The following EVC2 variants were observed in gnomAD, a reference collection of about 807,000 sequenced individuals.
EVC2 encodes the protein limbin.
EVC2 carries 148 observed loss-of-function variants against 149.3 expected under a neutral mutation model. The observed-to-expected ratio is 0.99, with a 90% CI of 0.87 to 1.14. EVC2 has a LOEUF of 1.14. Ranked by LOEUF, EVC2 falls within the 50% of genes most tolerant of loss-of-function variation. The pLI is 0.00. For synonymous variants in EVC2, 776 were observed against 649.9 expected (o/e 1.19, Z -2.95); for missense variants, 1,854 against 1,627.3 (o/e 1.14, Z -2.40).
intron 9 of EVC2, among the ~76,000 whole-genome samples, chr4:5,642,559 A>G (rs527243064): frequency 1.3e-5 from 2 of 152,312 alleles, no homozygotes; most frequent in South Asian, 2.1e-4. Context: ...CCTGAAGTGA[A>G]TCACTTTTTA....
chr4:5,530,765 T>C, the EVC2 span, among the ~76,000 whole-genome samples: 1 of 152,362 alleles, frequency 6.6e-6, no homozygotes, highest in Admixed American at 6.5e-5. Flanking sequence ...AGGTAAACTA[T>C]TGTTCCTCAA....
At position 5,691,245 on chromosome 4, in the gene EVC2, C is replaced by T. The variant is rs538280671; in HGVS notation, c.519+20G>A. ...TCCAATTATTTTCTCTTCAAATATA[C>T]ACCACCAGTGGAAACTTACCAGTGC... On this transcript the variant is annotated intron_variant, in intron 4 of 21. Transcript: ENST00000344408. The T allele has an allele frequency of 1.1e-5, 18 of 1,605,638 alleles. No individual in the cohort carries two copies. The African/African-American group carries it at 1.2e-4, about 11-fold the overall frequency.
Position 5,584,353 on chromosome 4 carries a change from G to A in EVC2, c.3057+270C>T, listed in dbSNP as rs4689265. On this transcript the variant is annotated intron_variant, in intron 17 of 21. Coordinates refer to ENST00000344408, the MANE Select transcript of EVC2 (RefSeq NM_147127.5). ...TGTTGTCCTCCCTAGCACAATGAAAGAAACAATACTGCCAATGAACCCATG... is the reference window on the plus strand; with the variant it reads ...TGTTGTCCTCCCTAGCACAATGAAAAAAACAATACTGCCAATGAACCCATG... Among the ~76,000 whole-genome samples, 548 of 152,270 alleles carry A rather than the reference G, an allele frequency of 3.6e-3. 5 individuals are homozygous for A. The highest frequency in any genetic ancestry group is 0.012 in the Admixed American group (191 of 15,300).
chr4:5,568,563 T>C lies in EVC2; in HGVS notation c.3438A>G (p.Val1146=). Residue 1146 remains valine, a synonymous_variant, in exon 20 of 22, where the codon GTA becomes GTG. Coordinates refer to ENST00000344408, the MANE Select transcript of EVC2 (RefSeq NM_147127.5). ...GCTGAGGCTGTGAGGCTGTGGGCAGTACCACACTCAGGAGCCGGCGAAGCG... is the reference window on the plus strand; with the variant it reads ...GCTGAGGCTGTGAGGCTGTGGGCAGCACCACACTCAGGAGCCGGCGAAGCG... ...GATLRRLLSV[V]LPTASQPQLL... is the part of the protein sequence containing the mutation. The C allele has an allele frequency of 6.2e-7, 1 of 1,606,024 alleles. No individual in the cohort carries two copies. The highest frequency in any genetic ancestry group is 8.5e-7 in the Non-Finnish European group (1 of 1,179,264).
At chr4:5,684,370 G>A (rs1348554207) in intron 6 of EVC2, among the ~76,000 whole-genome samples, 1 of 152,214 alleles carries the variant, frequency 6.6e-6, no homozygotes, top group African/African-American at 2.4e-5. Context: ...CAGGGTGGAA[G>A]GAGGCCTCAG....
At chr4:5,601,850 G>A (rs1005311079) in intron 16 of EVC2, among the ~76,000 whole-genome samples, 1 of 152,198 alleles carries the variant, frequency 6.6e-6, no homozygotes, top group Non-Finnish European at 1.5e-5. Context: ...AGCTGTGCAT[G>A]AGGCACAGAG....
intron 14 of EVC2, among the ~76,000 whole-genome samples, chr4:5,619,464 C>T (rs528331010): frequency 4.4e-4 from 67 of 152,280 alleles, no homozygotes; most frequent in African/African-American, 1.6e-3. Flanking sequence ...GGATTGCCAG[C>T]AACACCAGCA....
At chr4:5,691,510 T>A (rs992607906) in intron 3 of EVC2, among the ~76,000 whole-genome samples, 177 bp from the exon 4 acceptor site, 1 of 152,230 alleles carries the variant, frequency 6.6e-6, no homozygotes, top group African/African-American at 2.4e-5. Flanking sequence ...AAATTAAAAC[T>A]TATGGAAAGA....
At chr4:5,629,576 A>C (rs1387748676) in intron 11 of EVC2, among the ~76,000 whole-genome samples, 1 of 152,234 alleles carries the variant, frequency 6.6e-6, no homozygotes, top group Non-Finnish European at 1.5e-5. Context: ...ATGGATAACC[A>C]AAAGTGTCAA....
Position 5,576,538 on chromosome 4 carries a change from G to C in EVC2, c.3058-84C>G. 1.3e-6 allele frequency: 2 copies of C among 1,534,494 alleles called. No individual in the cohort carries two copies. Among genetic ancestry groups the C allele is most frequent in the East Asian group, 4.9e-5 (2 of 40,910 alleles). On this transcript the variant is annotated intron_variant, in intron 17 of 21. Transcript: ENST00000344408. The surrounding 1 kb of genome is among the most constrained non-coding windows in gnomAD (Gnocchi z 4.5). ...CAAAATCTGACCTCCTGGGTGTCTTGCTACAAGTCTGGCATGACTCTGTCT... is the reference window on the plus strand; with the variant it reads ...CAAAATCTGACCTCCTGGGTGTCTTCCTACAAGTCTGGCATGACTCTGTCT...
intron 15 of EVC2, among the ~76,000 whole-genome samples, chr4:5,617,000 G>T (rs1172810840): frequency 1.3e-5 from 2 of 151,850 alleles, no homozygotes; most frequent in African/African-American, 2.4e-5. Flanking sequence ...TTCCCCCATT[G>T]TTCAAAAATA....
At chr4:5,685,802 T>A (rs1720664992) in intron 5 of EVC2, among the ~76,000 whole-genome samples, 1 of 152,128 alleles carries the variant, frequency 6.6e-6, no homozygotes, top group East Asian at 1.9e-4. Flanking sequence ...GCGCACCTCA[T>A]CCCATAGGTA....
At chr4:5,610,294 T>C (rs796697872) in intron 16 of EVC2, among the ~76,000 whole-genome samples, 10 of 152,282 alleles carry the variant, frequency 6.6e-5, no homozygotes, top group African/African-American at 2.2e-4. Flanking sequence ...TTAATATATA[T>C]ACATACAGTG....
chr4:5,694,512 A>G lies in EVC2; in HGVS notation c.284-11T>C, dbSNP rs1421407272. 6 of 1,614,102 alleles carry G rather than the reference A, an allele frequency of 3.7e-6. No individual in the cohort carries two copies. Among genetic ancestry groups the G allele is most frequent in the Non-Finnish European group, 5.1e-6 (6 of 1,180,054 alleles). On this transcript the variant is annotated splice_polypyrimidine_tract_variant and intron_variant, in intron 2 of 21. Coordinates refer to ENST00000344408, the MANE Select transcript of EVC2 (RefSeq NM_147127.5). Reference sequence around the variant, plus strand: ...CAAGTGGTGCTTCCACTGCAAAACAACAACACACCCGTTTTATATAATGCG... The same window carrying G: ...CAAGTGGTGCTTCCACTGCAAAACAGCAACACACCCGTTTTATATAATGCG...
intron 21 of EVC2, among the ~76,000 whole-genome samples, chr4:5,554,224 A>G (rs1560118137): frequency 6.6e-6 from 1 of 152,140 alleles, no homozygotes; most frequent in Non-Finnish European, 1.5e-5. Flanking sequence ...AAAGCCAACC[A>G]CTACCTCCAA....
downstream of EVC2, among the ~76,000 whole-genome samples, chr4:5,539,609 G>A (rs1577084707): frequency 6.6e-6 from 1 of 152,154 alleles, no homozygotes. Context: ...TTAAACAGAA[G>A]AGAGATATAT....
chr4:5,596,210 C>G (rs1159148536), intron 16 of EVC2, among the ~76,000 whole-genome samples: 1 of 152,138 alleles, frequency 6.6e-6, no homozygotes, highest in African/African-American at 2.4e-5. Flanking sequence ...AGCTCTGCAC[C>G]AAGCGGACCT....
chr4:5,613,046 CG>C lies in EVC2; in HGVS notation c.2829+2375del, dbSNP rs1714976918. Among the ~76,000 whole-genome samples, 1 of 151,492 alleles carries C rather than the reference CG, an allele frequency of 6.6e-6. No homozygotes were observed. Among genetic ancestry groups the C allele is most frequent in the African/African-American group, 2.4e-5 (1 of 41,144 alleles). ...CCAGCCTTGAGCCACTGGGTGGGAG[CG>C]GTGCGGTCTGCACCTGATGTCCCCA... On this transcript the variant is annotated intron_variant, in intron 16 of 21. Coordinates refer to ENST00000344408, the MANE Select transcript of EVC2 (RefSeq NM_147127.5). This position sits in a 1 kb window ranked among gnomAD's most constrained non-coding sequence, Gnocchi z 4.6.
chr4:5,653,556 T>C (rs7693035), intron 9 of EVC2, among the ~76,000 whole-genome samples: 92,464 of 152,022 alleles, frequency 0.61, 28,427 homozygotes, highest in African/African-American at 0.69. Flanking sequence ...AAAGGTAAGG[T>C]CACGGTAAAA....
Sources: gnomAD v4.1 joint callset for allele counts (sites outside exome capture counted in the v4.1 genomes callset) on GRCh38, gnomAD v4.1.1 for gene constraint, Gnocchi (gnomAD v3.1) non-coding constraint, MANE v1.5 for transcripts, NCBI Gene and HGNC (gene_info 2026-07-23, HGNC 2026-07-21) for gene names.